ZNF638: variants seen among roughly 807,000 people sequenced by gnomAD.
ZNF638 encodes the protein zinc finger protein 638.
A neutral mutation model predicts 195.6 loss-of-function variants in ZNF638; 46 were observed. That is an observed-to-expected ratio of 0.24 (90% confidence interval 0.19 to 0.30). ZNF638 has a LOEUF of 0.30. Among genes scored for constraint, ZNF638 ranks in the 10% least tolerant of loss-of-function variants. The pLI is 1.00. For synonymous variants in ZNF638, 845 were observed against 772.0 expected (o/e 1.09, Z -1.57); for missense variants, 2,440 against 2,325.3 (o/e 1.05, Z -1.01).
Position 71,349,325 on chromosome 2 carries a change from T to G in ZNF638, c.371T>G (p.Val124Gly). ...VAVKQSSVTQ[V>G]TEQSPKVQSR... Reference sequence around the variant, plus strand: ...GTGAAACAGAGTTCTGTAACACAGGTTACAGAGCAGAGTCCCAAAGTACAG... The same window carrying G: ...GTGAAACAGAGTTCTGTAACACAGGGTACAGAGCAGAGTCCCAAAGTACAG... The change falls in exon 2 of 28, where the codon GTT becomes GGT. Residue 124 changes from valine (V) to glycine (G), a missense_variant. Transcript: ENST00000264447. 1 of 1,614,102 alleles carries G rather than the reference T, an allele frequency of 6.2e-7. No homozygotes were observed. The highest frequency in any genetic ancestry group is 1.6e-4 in the Middle Eastern group (1 of 6,062).
At position 71,365,623 on chromosome 2, in the gene ZNF638, C is replaced by A. The variant is rs773922302; in HGVS notation, c.1912C>A (p.Arg638Ser). ...TTCAAATCTAGGAGGACATTCTATT[C>A]GTTGTAAATCAAAGAATCTTGAAGA... Reference protein sequence around the residue: ...SDSNLGGHSIRCKSKNLEDDT... With the variant: ...SDSNLGGHSISCKSKNLEDDT... Residue 638 changes from arginine to serine, a missense_variant, in exon 6 of 28, where the codon CGT becomes AGT. By Grantham distance (110) the Arg-to-Ser change is moderately radical. Around this residue, in one of 5 missense-constraint regions of ZNF638, gnomAD observed 1,883 missense variants for 1,739.1 expected, o/e 1.08. Coordinates refer to ENST00000264447, the MANE Select transcript of ZNF638 (RefSeq NM_014497.5). 1 of 1,614,072 alleles carries A rather than the reference C, an allele frequency of 6.2e-7. No individual in the cohort carries two copies. The highest frequency in any genetic ancestry group is 1.7e-5 in the Admixed American group (1 of 60,018).
At chr2:71,401,927 A>G (rs1573124721) in intron 15 of ZNF638, 29 bp from the exon 16 acceptor site, 5 of 1,536,672 alleles carry the variant, frequency 3.3e-6, no homozygotes, top group Non-Finnish European at 4.4e-6. Flanking sequence ...AGAAATTTTA[A>G]TAACAGGTTT....
intron 18 of ZNF638, among the ~76,000 whole-genome samples, 191 bp downstream of exon 18, chr2:71,405,833 T>G (rs2080095257): frequency 6.6e-6 from 1 of 152,170 alleles, no homozygotes; most frequent in South Asian, 2.1e-4. Context: ...CGAAAAAATT[T>G]TTCAGGTACT....
chr2:71,359,789 A>C (rs2079079149), intron 3 of ZNF638, among the ~76,000 whole-genome samples: 1 of 152,086 alleles, frequency 6.6e-6, no homozygotes, highest in South Asian at 2.1e-4. Context: ...CTTTCTACTC[A>C]TTCCTCCATT....
At chr2:71,381,559 A>G (rs2079535239) in intron 10 of ZNF638, among the ~76,000 whole-genome samples, 1 of 152,132 alleles carries the variant, frequency 6.6e-6, no homozygotes, top group Non-Finnish European at 1.5e-5. Context: ...AACAAAGTTC[A>G]ATTATTCTAT....
intron 1 of ZNF638, among the ~76,000 whole-genome samples, chr2:71,343,748 T>G (rs1238584016): frequency 6.6e-6 from 1 of 152,106 alleles, no homozygotes; most frequent in African/African-American, 2.4e-5. Context: ...ACTCTTATAG[T>G]TTGAATTTGA....
intron 15 of ZNF638, 117 bp from the exon 16 acceptor site, chr2:71,401,839 G>C: frequency 1.1e-6 from 1 of 907,770 alleles, no homozygotes; most frequent in Non-Finnish European, 1.5e-6. Flanking sequence ...GAGTTTATCA[G>C]ACTTTCCTCA....
chr2:71,389,290 C>T (rs984251038), intron 10 of ZNF638, among the ~76,000 whole-genome samples: 6 of 152,120 alleles, frequency 3.9e-5, no homozygotes, highest in Admixed American at 6.5e-5. Context: ...TTAACCTGCC[C>T]GGTAATGCAA....
intron 10 of ZNF638, among the ~76,000 whole-genome samples, chr2:71,383,969 A>G (rs1020127984): frequency 6.6e-6 from 1 of 151,388 alleles, no homozygotes; most frequent in Admixed American, 6.6e-5. Context: ...AAACTCTTCT[A>G]TCCCCTTGAG....
intron 10 of ZNF638, among the ~76,000 whole-genome samples, chr2:71,390,987 A>G (rs552575026): frequency 4.6e-5 from 7 of 152,228 alleles, no homozygotes; most frequent in East Asian, 1.9e-4. Context: ...TTCTTCCCCT[A>G]CCCCTGACGT....
Position 71,350,056 on chromosome 2 carries a change from G to A in ZNF638, c.1102G>A (p.Gly368Arg), listed in dbSNP as rs1558834379. 1 of 1,614,164 alleles carries A rather than the reference G, an allele frequency of 6.2e-7. No individual in the cohort carries two copies. The highest frequency in any genetic ancestry group is 8.5e-7 in the Non-Finnish European group (1 of 1,180,038). The change falls in exon 2 of 28, where the codon GGA becomes AGA. Residue 368 changes from glycine to arginine, a missense_variant. Transcript: ENST00000264447. ...NSSNVHVGSR[G>R]SKKNYQSQAD... Reference sequence around the variant, plus strand: ...ATCTAACGTACATGTTGGATCAAGAGGAAGTAAAAAGAATTACCAGTCACA... The same window carrying A: ...ATCTAACGTACATGTTGGATCAAGAAGAAGTAAAAAGAATTACCAGTCACA...
rs375837681 is a variant in ZNF638 at position 71,424,069 on chromosome 2, G to A, written c.4524+31G>A. On this transcript the variant is annotated intron_variant, in intron 22 of 27. Coordinates refer to ENST00000264447, the MANE Select transcript of ZNF638 (RefSeq NM_014497.5). Reference sequence around the variant, plus strand: ...GAGGGTAGGAAGAATGGCACAGTGTGTCTTTGAAGTGATTAGCTCCGCTGC... The same window carrying A: ...GAGGGTAGGAAGAATGGCACAGTGTATCTTTGAAGTGATTAGCTCCGCTGC... The A allele has an allele frequency of 5.7e-6, 9 of 1,591,060 alleles. No homozygotes were observed. The African/African-American group carries it at 1.1e-4, about 19-fold the overall frequency.
At position 71,349,505 on chromosome 2, in the gene ZNF638, G is replaced by A. The variant is rs374546224; in HGVS notation, c.551G>A (p.Arg184His). 69 of 1,613,950 alleles carry A rather than the reference G, an allele frequency of 4.3e-5. No individual in the cohort carries two copies. Among genetic ancestry groups the A allele is most frequent in the African/African-American group, 9.4e-5 (7 of 74,866 alleles). ...LRDIRMRKMG[R>H]RLPNLPSQSR... ...GATATAAGAATGCGAAAAATGGGGC[G>A]CCGATTACCTAATTTACCTTCTCAG... The change falls in exon 2 of 28, where the codon CGC (arginine) becomes CAC (histidine). Residue 184 changes from arginine to histidine, a missense_variant. By Grantham distance (29) the Arg-to-His change is conservative. Transcript: ENST00000264447.
intron 20 of ZNF638, among the ~76,000 whole-genome samples, chr2:71,417,683 A>G (rs1190776304): frequency 6.6e-6 from 1 of 150,742 alleles, no homozygotes; most frequent in Non-Finnish European, 1.5e-5. Context: ...TCTCTCTAAT[A>G]AACTTTTCTC....
Position 71,365,652 on chromosome 2 carries a change from C to T in ZNF638, c.1941C>T (p.Asp647=). 1 of 1,614,036 alleles carries T rather than the reference C, an allele frequency of 6.2e-7. No individual in the cohort carries two copies. The highest frequency in any genetic ancestry group is 8.5e-7 in the Non-Finnish European group (1 of 1,179,930). The change falls in exon 6 of 28, where the codon GAC becomes GAT. Residue 647 remains aspartate, a synonymous_variant. Transcript: ENST00000264447. ...GTAAATCAAAGAATCTTGAAGATGA[C>T]ACTTTGTCAGAATGTAAACAGGTGT... ...IRCKSKNLED[D]TLSECKQVSD... is the part of the protein sequence containing the mutation.
At chr2:71,352,871 G>A (rs1178511251) in intron 2 of ZNF638, among the ~76,000 whole-genome samples, 1 of 152,134 alleles carries the variant, frequency 6.6e-6, no homozygotes, top group Non-Finnish European at 1.5e-5. Flanking sequence ...AAAAATTTGA[G>A]AGGAAAGGAA....
intron 2 of ZNF638, among the ~76,000 whole-genome samples, chr2:71,354,404 T>C (rs1296189574): frequency 6.6e-6 from 1 of 151,978 alleles, no homozygotes; most frequent in African/African-American, 2.4e-5. Flanking sequence ...CATTGTAATT[T>C]TAGGACAGAT....
At chr2:71,358,880 G>A (rs1052814815) in intron 3 of ZNF638, among the ~76,000 whole-genome samples, 6 of 152,162 alleles carry the variant, frequency 3.9e-5, no homozygotes, top group African/African-American at 1.2e-4. Flanking sequence ...TACTATACCT[G>A]TTAATGGCAA....
intron 10 of ZNF638, among the ~76,000 whole-genome samples, chr2:71,383,783 G>GTTT (rs1558858350): frequency 1.8e-4 from 4 of 21,908 alleles, no homozygotes; most frequent in African/African-American, 8.4e-4. Context: ...TTTTTTTTTA[G>GTTT]TAGAGATGGG....
Sources: allele counts gnomAD v4.1 joint callset (sites outside exome capture counted in the v4.1 genomes callset), GRCh38; gene constraint gnomAD v4.1.1; regional missense constraint gnomAD v4.1.1; transcripts MANE v1.5; gene names NCBI Gene and HGNC (gene_info 2026-07-23, HGNC 2026-07-21).